The following WDR17 variants were observed in gnomAD, a reference collection of about 807,000 sequenced individuals.
The protein encoded by WDR17 is WD repeat-containing protein 17.
In WDR17, 143 loss-of-function variants were observed where a neutral mutation model predicts 161.7. The ratio of observed to expected loss-of-function variants is 0.88; its 90% CI spans 0.77 to 1.02. WDR17 has a LOEUF of 1.02. Among genes scored for constraint, WDR17 ranks in the 50% least tolerant of loss-of-function variants. The probability of loss-of-function intolerance (pLI) is 0.00; values close to 1 mark genes in which losing one functional copy is unlikely to be tolerated. For synonymous variants in WDR17, 517 were observed against 515.6 expected (o/e 1.00, Z -0.04); for missense variants, 1,469 against 1,520.9 (o/e 0.97, Z 0.57).
At chr4:176,087,756 A>G (rs568281534) in intron 1 of WDR17, among the ~76,000 whole-genome samples, 4 of 152,270 alleles carry the variant, frequency 2.6e-5, no homozygotes, top group Admixed American at 6.5e-5. Flanking sequence ...GGGATATCCA[A>G]TCAACTAATA....
chr4:176,069,457 T>A lies in WDR17; in HGVS notation c.-7+3378T>A, dbSNP rs1007852353. Among the ~76,000 whole-genome samples, 3 of 152,324 alleles carry A rather than the reference T, an allele frequency of 2.0e-5. No individual in the cohort carries two copies. The South Asian group carries it at 6.2e-4, about 32-fold the overall frequency. On this transcript the variant is annotated intron_variant, in intron 1 of 28. Coordinates refer to ENST00000508596, the MANE Select transcript of WDR17 (RefSeq NM_181265.4). ...ATGTTATTTGCTATGATAAGGATGA[T>A]TGATAATTGTCATGTTCGGATAAAT...
At chr4:176,084,425 A>C (rs1203717508) in intron 1 of WDR17, among the ~76,000 whole-genome samples, 3 of 152,058 alleles carry the variant, frequency 2.0e-5, no homozygotes, top group Admixed American at 1.3e-4. Context: ...AGAAGGCATT[A>C]ATCTATTTAT....
chr4:176,177,653 A>G lies in WDR17; in HGVS notation c.3731A>G (p.Gln1244Arg). The change falls in exon 28 of 29, where the codon CAG becomes CGG. Residue 1244 changes from glutamine (Q) to arginine (R), a missense_variant and splice_region_variant. Transcript: ENST00000508596. ...HISCLTGLKIQGPVFFLEDGK... is the reference protein window; with the variant it reads ...HISCLTGLKIRGPVFFLEDGK... ...TCTTGTCTTACGGGATTAAAAATCC[A>G]GGTAAAGCCTAACATCAGACATAAC... 1 of 1,581,240 alleles carries G rather than the reference A, an allele frequency of 6.3e-7. No individual in the cohort carries two copies. Among genetic ancestry groups the G allele is most frequent in the Non-Finnish European group, 8.5e-7 (1 of 1,170,650 alleles).
intron 22 of WDR17, 119 bp downstream of exon 22, chr4:176,163,412 G>A: frequency 8.9e-7 from 1 of 1,128,630 alleles, no homozygotes; most frequent in Non-Finnish European, 1.2e-6. Context: ...TGTTTATAAA[G>A]GATAAGATTG....
chr4:176,086,766 A>C (rs959982470), intron 1 of WDR17, among the ~76,000 whole-genome samples: 10 of 151,652 alleles, frequency 6.6e-5, no homozygotes, highest in Non-Finnish European at 1.5e-4. Flanking sequence ...ATTTTCTCTT[A>C]TTCAATATGT....
chr4:176,179,069 G>A (rs111906125), intron 28 of WDR17, among the ~76,000 whole-genome samples: 14 of 152,194 alleles, frequency 9.2e-5, no homozygotes, highest in African/African-American at 2.4e-4. Context: ...CAGCTGTATC[G>A]ACATAGGCTA....
At chr4:176,168,609 A>T in intron 22 of WDR17, 63 bp from the exon 23 acceptor site, 1 of 1,593,178 alleles carries the variant, frequency 6.3e-7, no homozygotes, top group South Asian at 1.1e-5. Context: ...TCTTTGAGAT[A>T]GTTATGAATG....
In WDR17 at chr4:176,172,371, C is replaced by T. The variant is rs1471840917; in HGVS notation, c.3103-4C>T. On this transcript the variant is annotated splice_polypyrimidine_tract_variant and splice_region_variant and intron_variant, in intron 23 of 28. Transcript: ENST00000508596. ...ACATTGTTTTCAAATCAATTATTTT[C>T]TAGTGTAAGCTACCCACAGTGGAAG... The T allele has an allele frequency of 6.2e-6, 10 of 1,600,976 alleles. No individual in the cohort carries two copies. Among genetic ancestry groups the T allele is most frequent in the Non-Finnish European group, 7.6e-6 (9 of 1,176,966 alleles).
Position 176,146,187 on chromosome 4 carries a change from A to G in WDR17, c.1694+28A>G, listed in dbSNP as rs780050294. On this transcript the variant is annotated intron_variant, in intron 12 of 28. Coordinates refer to ENST00000508596, the MANE Select transcript of WDR17 (RefSeq NM_181265.4). ...ATGTATTTTTGGATTCTAATTTTCT[A>G]GTCCTTAAAATCATAAGCTTATATT... The G allele has an allele frequency of 7.5e-6, 12 of 1,602,718 alleles. No individual in the cohort carries two copies. The South Asian group carries it at 1.3e-4, about 18-fold the overall frequency.
chr4:176,099,190 A>G (rs189561099), intron 1 of WDR17, among the ~76,000 whole-genome samples: 281 of 152,282 alleles, frequency 1.8e-3, no homozygotes, highest in Non-Finnish European at 1.5e-3. Context: ...TGAAAACTCA[A>G]CAACTCTTCC....
chr4:176,081,544 T>C lies in WDR17; in HGVS notation c.-7+15465T>C, dbSNP rs116753175. The stretch of plus-strand genomic sequence containing the variant: ...ATTGTTTCATACATTTATTTGTGTC[T>C]ATTAGAAATGAAGTCAAGTGCAAAT... On this transcript the variant is annotated intron_variant, in intron 1 of 28. Transcript: ENST00000508596. Among the ~76,000 whole-genome samples, 576 of 152,290 alleles carry C rather than the reference T, an allele frequency of 3.8e-3. 3 individuals carry two copies. The highest frequency in any genetic ancestry group is 0.013 in the African/African-American group (540 of 41,574).
intron 1 of WDR17, chr4:176,111,113 G>A (rs1188334275): frequency 6.6e-6 from 1 of 152,284 alleles, no homozygotes; most frequent in Non-Finnish European, 1.5e-5. Context: ...CTGGTCCACA[G>A]TGTTTTAAAT....
chr4:176,107,510 G>A (rs536516304), intron 1 of WDR17, among the ~76,000 whole-genome samples: 19 of 150,884 alleles, frequency 1.3e-4, no homozygotes, highest in Non-Finnish European at 2.5e-4. Flanking sequence ...TTTTGTAATA[G>A]CTAAAACATG....
intron 1 of WDR17, among the ~76,000 whole-genome samples, chr4:176,083,583 A>C (rs1213017139): frequency 6.6e-6 from 1 of 152,114 alleles, no homozygotes; most frequent in Admixed American, 6.6e-5. Context: ...ATACTGTATC[A>C]TTGTACTATT....
Position 176,133,127 on chromosome 4 carries a change from C to T in WDR17, c.1098+1389C>T, listed in dbSNP as rs117041425. ...AAAAAATATACTAACATGAATCACA[C>T]ATGCCCCAAGTGCCATATATACCAT... On this transcript the variant is annotated intron_variant, in intron 7 of 28. Transcript: ENST00000508596. Among the ~76,000 whole-genome samples the T allele has an allele frequency of 1.7e-3, 260 of 149,540 alleles. 5 individuals carry two copies. The East Asian group carries it at 0.035, about 20-fold the overall frequency.
At chr4:176,092,974 G>A (rs558583966) in intron 1 of WDR17, among the ~76,000 whole-genome samples, 4 of 152,172 alleles carry the variant, frequency 2.6e-5, no homozygotes, top group Non-Finnish European at 5.9e-5. Context: ...CCTGGGAGGC[G>A]GAGGTTGCAG....
chr4:176,172,993 C>A (rs990722661), intron 24 of WDR17, among the ~76,000 whole-genome samples: 1 of 152,060 alleles, frequency 6.6e-6, no homozygotes, highest in Non-Finnish European at 1.5e-5. Context: ...CTAGAGAGAA[C>A]GAACATCCAA....
At chr4:176,155,928 AAAAAG>A in intron 17 of WDR17, 146 bp from the exon 18 acceptor site, 1 of 654,336 alleles carries the variant, frequency 1.5e-6, no homozygotes, top group Non-Finnish European at 2.5e-6. Flanking sequence ...ACTACGGAAC[AAAAAG>A]AAGTCAGAAA....
chr4:176,125,444 G>C, intron 5 of WDR17, 89 bp downstream of exon 5: 1 of 1,462,600 alleles, frequency 6.8e-7, no homozygotes, highest in South Asian at 1.4e-5. Flanking sequence ...GGTTGATTTT[G>C]TGTAAAATGT....
Sources: gnomAD v4.1 joint callset for allele counts (sites outside exome capture counted in the v4.1 genomes callset) on GRCh38, gnomAD v4.1.1 for gene constraint, MANE v1.5 for transcripts, NCBI Gene and HGNC (gene_info 2026-07-23, HGNC 2026-07-21) for gene names.